ITPR2: variants seen among roughly 807,000 people sequenced by gnomAD.
The protein encoded by ITPR2 is inositol 1,4,5-trisphosphate receptor type 2, also known as inositol 1,4,5-trisphosphate-gated calcium channel ITPR2.
ITPR2 carries 207 observed loss-of-function variants against 317.1 expected under a neutral mutation model. The ratio of observed to expected loss-of-function variants is 0.65; its 90% CI spans 0.58 to 0.73. The LOEUF is 0.73. Ranked by LOEUF, ITPR2 falls within the 30% of genes least tolerant of loss-of-function variation. ITPR2 has a pLI of 0.00. For synonymous variants in ITPR2, 1,156 were observed against 1,149.1 expected (o/e 1.01, Z -0.12); for missense variants, 2,613 against 3,284.0 (o/e 0.80, Z 4.99).
chr12:26,636,934 T>C (rs1185880102), intron 21 of ITPR2, among the ~76,000 whole-genome samples: 1 of 152,146 alleles, frequency 6.6e-6, no homozygotes, highest in Non-Finnish European at 1.5e-5. Flanking sequence ...ACTAACAGAC[T>C]TTACAAAGTT....
chr12:26,487,277 T>A lies in ITPR2; in HGVS notation c.5371-26A>T, dbSNP rs201729021. The A allele has an allele frequency of 3.0e-5, 46 of 1,538,656 alleles. No individual in the cohort carries two copies. In the African/African-American group the frequency reaches 3.0e-4, roughly 10 times the overall value. On this transcript the variant is annotated intron_variant, in intron 39 of 56. Transcript: ENST00000381340. ...CTGCAAGAAAACATATTTTAAGACA[T>A]CAATACCCAAGGGGAGACAAATGGT...
chr12:26,437,132 A>G (rs1941372426), intron 47 of ITPR2, among the ~76,000 whole-genome samples: 1 of 152,214 alleles, frequency 6.6e-6, no homozygotes. Flanking sequence ...ACGGATTGGT[A>G]ATGCATGTAA....
chr12:26,796,352 G>A (rs75481516), intron 1 of ITPR2, among the ~76,000 whole-genome samples: 24,509 of 152,106 alleles, frequency 0.16, 2,711 homozygotes, highest in Non-Finnish European at 0.24. Flanking sequence ...TTAGAAGTCC[G>A]ATAAAATGTT....
chr12:26,717,862 T>G (rs1427761527), intron 5 of ITPR2, among the ~76,000 whole-genome samples: 3 of 152,166 alleles, frequency 2.0e-5, no homozygotes, highest in African/African-American at 7.2e-5. Flanking sequence ...CAAAAACAAA[T>G]GAAAGTCAAC....
At chr12:26,800,439 T>C (rs918503158) in intron 1 of ITPR2, among the ~76,000 whole-genome samples, 6 of 152,170 alleles carry the variant, frequency 3.9e-5, no homozygotes, top group African/African-American at 1.4e-4. Flanking sequence ...ATAAATTTTA[T>C]AAACAGGGCA....
chr12:26,633,606 T>C (rs1946799981), intron 21 of ITPR2, among the ~76,000 whole-genome samples: 1 of 152,248 alleles, frequency 6.6e-6, no homozygotes, highest in Non-Finnish European at 1.5e-5. Flanking sequence ...TCTATCAGAA[T>C]AGCCTTGAGG....
At chr12:26,349,354 G>T (rs1236944222) in intron 55 of ITPR2, among the ~76,000 whole-genome samples, 1 of 152,140 alleles carries the variant, frequency 6.6e-6, no homozygotes, top group Non-Finnish European at 1.5e-5. Context: ...TATTCTGTCT[G>T]GATCTCCCTG....
At chr12:26,805,725 C>A (rs1592147195) in intron 1 of ITPR2, among the ~76,000 whole-genome samples, 1 of 148,794 alleles carries the variant, frequency 6.7e-6, no homozygotes, top group African/African-American at 2.5e-5. Flanking sequence ...ACATAAAACA[C>A]GGCTCTACAG....
At position 26,424,586 on chromosome 12, in the gene ITPR2, G is replaced by GTTTTTTTTTTTTT. The variant is rs775756580; in HGVS notation, c.6945+3314_6945+3326dup. 9.0e-5 allele frequency among the ~76,000 whole-genome samples: 8 copies of GTTTTTTTTTTTTT among 88,706 alleles called. 1 individual carries two copies. The highest frequency in any genetic ancestry group is 9.2e-5 in the African/African-American group (2 of 21,644). The allele number at this position is 88,706 out of a possible 152,430, so 58.2% of individuals were successfully genotyped here. A position where few individuals can be genotyped will look rare whatever the true frequency, so the allele number is the denominator to read the frequency against. On this transcript the variant is annotated intron_variant, in intron 49 of 56. Transcript: ENST00000381340. ...TTTTTGGTTTTTGTTTTCGTTTTGT[G>GTTTTTTTTTTTTT]TTTTTTTTTTTTTTTTTTTTTGAGA... is the stretch of plus-strand genomic sequence containing the variant.
intron 26 of ITPR2, among the ~76,000 whole-genome samples, chr12:26,611,815 A>C (rs73292148): frequency 0.012 from 1,892 of 152,310 alleles, 39 homozygotes; most frequent in African/African-American, 0.044. Flanking sequence ...CGGTTTCCTG[A>C]GTTAATCTCT....
intron 24 of ITPR2, among the ~76,000 whole-genome samples, chr12:26,622,673 G>A (rs555665416): frequency 6.6e-6 from 1 of 152,320 alleles, no homozygotes; most frequent in South Asian, 2.1e-4. Flanking sequence ...GGATGAGTTG[G>A]TCACCTTGGC....
At chr12:26,787,583 G>A (rs1950277015) in intron 2 of ITPR2, among the ~76,000 whole-genome samples, 1 of 152,118 alleles carries the variant, frequency 6.6e-6, no homozygotes, top group Non-Finnish European at 1.5e-5. Context: ...AGGGAAAGAG[G>A]AAAGGCACCC....
At chr12:26,615,189 A>G (rs1946348689) in intron 26 of ITPR2, among the ~76,000 whole-genome samples, 1 of 152,238 alleles carries the variant, frequency 6.6e-6, no homozygotes, top group Non-Finnish European at 1.5e-5. Flanking sequence ...AACATGAGTG[A>G]GAATAACAAG....
chr12:26,674,728 A>G (rs370294781), intron 13 of ITPR2, among the ~76,000 whole-genome samples: 239 of 152,330 alleles, frequency 1.6e-3, no homozygotes, highest in Middle Eastern at 0.01. Flanking sequence ...CTTCTGCACA[A>G]CAAAAGAAAC....
chr12:26,812,495 C>T (rs1283460176), intron 1 of ITPR2, among the ~76,000 whole-genome samples: 4 of 152,218 alleles, frequency 2.6e-5, no homozygotes, highest in East Asian at 1.9e-4. Context: ...AGGAGAATGG[C>T]GTGAACCCGT....
chr12:26,398,377 C>G (rs149958324), intron 54 of ITPR2, among the ~76,000 whole-genome samples: 6 of 152,070 alleles, frequency 3.9e-5, no homozygotes, highest in African/African-American at 1.4e-4. Flanking sequence ...GAGCTGAGAT[C>G]GTGCCACTGC....
At chr12:26,472,799 T>C (rs1942325219) in intron 45 of ITPR2, among the ~76,000 whole-genome samples, 1 of 152,242 alleles carries the variant, frequency 6.6e-6, no homozygotes, top group South Asian at 2.1e-4. Flanking sequence ...GCTTGCATTC[T>C]TTACCCTCTT....
rs778357248 is a variant in ITPR2 at position 26,556,252 on chromosome 12, A to G, written c.4945T>C (p.Cys1649Arg). The change falls in exon 36 of 57, where the codon TGT (cysteine) becomes CGT (arginine). Residue 1649 changes from cysteine to arginine, a missense_variant. Physicochemically the swap from Cys to Arg is radical, Grantham distance 180 (BLOSUM62 -3). Transcript: ENST00000381340. Reference sequence around the variant, plus strand: ...ACTTACTTCGACATGAAAGCGCCACATCTTATTCTTGCATCGCTTCCCTCA... The same window carrying G: ...ACTTACTTCGACATGAAAGCGCCACGTCTTATTCTTGCATCGCTTCCCTCA... ...FPEGSDARIR[C>R]GAFMSKLINH... is the part of the protein sequence containing the mutation. The G allele has an allele frequency of 1.9e-6, 3 of 1,613,820 alleles. No homozygotes were observed. The highest frequency in any genetic ancestry group is 2.5e-6 in the Non-Finnish European group (3 of 1,179,896).
In ITPR2 at chr12:26,339,235, A is replaced by G; in HGVS notation, c.*162T>C. ...TAGGTCTTCGCAACCATGAAAACAC[A>G]GTTATAAATTGTTCTCGGAGCTAAC... On this transcript the variant is annotated 3_prime_UTR_variant, in exon 57 of 57. Coordinates refer to ENST00000381340, the MANE Select transcript of ITPR2 (RefSeq NM_002223.4). The G allele has an allele frequency of 3.3e-6, 2 of 606,162 alleles. No homozygotes were observed. The highest frequency in any genetic ancestry group is 5.9e-6 in the Non-Finnish European group (2 of 336,204). 37.5% of individuals were successfully genotyped at this position (606,162 alleles called of 1,614,324 possible).
Sources: gnomAD v4.1 joint callset for allele counts (sites outside exome capture counted in the v4.1 genomes callset) on GRCh38, gnomAD v4.1.1 for gene constraint, MANE v1.5 for transcripts, NCBI Gene and HGNC (gene_info 2026-07-23, HGNC 2026-07-21) for gene names.